The following ERCC6 variants were observed in gnomAD, a reference collection of about 807,000 sequenced individuals.
ERCC6 encodes the protein DNA excision repair protein ERCC-6.
Under a neutral mutation model 158.7 loss-of-function variants are expected in ERCC6, and 116 were observed. The observed-to-expected ratio is 0.73, with a 90% CI of 0.63 to 0.85. ERCC6 has a LOEUF of 0.85. ERCC6 is among the 40% of genes least tolerant of loss of function. The probability of loss-of-function intolerance (pLI) is 0.00; values close to 1 mark genes in which losing one functional copy is unlikely to be tolerated. For missense variants in ERCC6, 1,698 were observed against 1,799.4 expected (o/e 0.94, Z 1.02); for synonymous variants, 678 against 659.3 (o/e 1.03, Z -0.43).
At position 49,532,939 on chromosome 10, in the gene ERCC6, G is replaced by C; in HGVS notation, c.26C>G (p.Ser9Ter). 4 of 1,614,214 alleles carry C rather than the reference G, an allele frequency of 2.5e-6. No individual in the cohort carries two copies. Among genetic ancestry groups the C allele is most frequent in the South Asian group, 2.2e-5 (2 of 91,082 alleles). The change falls in exon 2 of 21, where the codon TCA becomes TGA. Residue 9 changes from serine to a stop codon, truncating the protein, a stop_gained. Coordinates refer to ENST00000355832, the MANE Select transcript of ERCC6 (RefSeq NM_000124.4). LOFTEE classifies it high-confidence loss of function. Reference protein sequence around the residue: MPNEGIPHSSQTQEQDCLQ... With the variant: MPNEGIPH Reference sequence around the variant, plus strand: ...ACAGTCTTGCTCCTGAGTTTGACTTGAGTGGGGGATTCCCTCATTTGGCAT... The same window carrying C: ...ACAGTCTTGCTCCTGAGTTTGACTTCAGTGGGGGATTCCCTCATTTGGCAT...
the ERCC6 span, among the ~76,000 whole-genome samples, chr10:49,441,344 G>A: frequency 1.1e-4 from 16 of 152,208 alleles, no homozygotes; most frequent in Non-Finnish European, 1.9e-4. Flanking sequence ...GTCTTTCTAT[G>A]GAGGCCGAGG....
chr10:49,472,507 C>T, intron 15 of ERCC6, 37 bp from the exon 16 acceptor site: 1 of 1,597,314 alleles, frequency 6.3e-7, no homozygotes, highest in Non-Finnish European at 8.6e-7. Context: ...AACGAGAATC[C>T]TTCCCAATGA....
chr10:49,493,921 G>C (rs574804740), intron 7 of ERCC6, among the ~76,000 whole-genome samples: 20 of 152,362 alleles, frequency 1.3e-4, no homozygotes, highest in African/African-American at 4.8e-4. Context: ...CACCGACAGT[G>C]TACAAGCTGG....
downstream of ERCC6, among the ~76,000 whole-genome samples, chr10:49,452,053 C>T (rs1850426822): frequency 6.6e-6 from 1 of 152,008 alleles, no homozygotes; most frequent in Non-Finnish European, 1.5e-5. Flanking sequence ...TTGATCTTTT[C>T]AAATTACCAG....
chr10:49,476,087 G>A, intron 12 of ERCC6, 128 bp downstream of exon 12: 1 of 729,938 alleles, frequency 1.4e-6, no homozygotes, highest in South Asian at 1.5e-5. Context: ...TACCATGCGG[G>A]ACTTCATGCA....
Position 49,470,668 on chromosome 10 carries a change from T to C in ERCC6, c.3292A>G (p.Ser1098Gly). The change falls in exon 18 of 21, where the codon AGT (serine) becomes GGT (glycine). Residue 1098 changes from serine to glycine, a missense_variant. Transcript: ENST00000355832. ...CTATCATTGCTAGTTACATTACTAC[T>C]CATGTGAGGGTCATCTTTCAAAGGA... The part of the protein sequence containing the change: ...SDPLKDDPHM[S>G]SNVTSNDRLG... 1 of 1,614,020 alleles carries C rather than the reference T, an allele frequency of 6.2e-7. No individual in the cohort carries two copies. The highest frequency in any genetic ancestry group is 1.3e-5 in the African/African-American group (1 of 75,066).
rs193165336 is a variant in ERCC6, at chr10:49,455,309, T to C, written c.*3506A>G. On this transcript the variant is annotated 3_prime_UTR_variant, in exon 21 of 21. Transcript: ENST00000355832. ...CATAACACTAATCAGAAACATTATA[T>C]TAATTATAAAGAGGTCTATTATTCT... 76 of 152,308 alleles carry C rather than the reference T, an allele frequency of 5.0e-4. No homozygotes were observed. Among genetic ancestry groups the C allele is most frequent in the African/African-American group, 1.8e-3 (74 of 41,570 alleles). The allele number at this position is 152,308 out of a possible 1,614,324, so 9.4% of individuals were successfully genotyped here.
rs372494513 is a variant in ERCC6, at chr10:49,524,140, A to G, written c.1290T>C (p.Ser430=). ...CAGAAGCAGCTTCAGCTTCTTCCCCAGAACTTGGGAAAAAGTCATCATCAA... is the reference window on the plus strand; with the variant it reads ...CAGAAGCAGCTTCAGCTTCTTCCCCGGAACTTGGGAAAAAGTCATCATCAA... ...QEIDDDFFPS[S]GEEAEAASVG... Residue 430 remains serine (S), a synonymous_variant, in exon 5 of 21, where the codon TCT becomes TCC. Transcript: ENST00000355832. The G allele has an allele frequency of 6.2e-6, 10 of 1,614,088 alleles. No individual in the cohort carries two copies. Among genetic ancestry groups the G allele is most frequent in the Non-Finnish European group, 8.5e-6 (10 of 1,180,040 alleles).
rs894249123 is a variant in ERCC6, at chr10:49,455,591, G to A, written c.*3224C>T. ...AGAAATAGACAACTTAGCATGTGAT[G>A]AGTTGAAAGCTGACATTTTAAACTG... On this transcript the variant is annotated 3_prime_UTR_variant, in exon 21 of 21. Transcript: ENST00000355832. 1 of 152,230 alleles carries A rather than the reference G, an allele frequency of 6.6e-6. No individual in the cohort carries two copies. Among genetic ancestry groups the A allele is most frequent in the South Asian group, 2.1e-4 (1 of 4,838 alleles). 9.4% of individuals were successfully genotyped at this position (152,230 alleles called of 1,614,324 possible). A position where few individuals can be genotyped will look rare whatever the true frequency, so the allele number is the denominator to read the frequency against.
In ERCC6 at chr10:49,456,526, T is replaced by C. The variant is rs915572920; in HGVS notation, c.*2289A>G. On this transcript the variant is annotated 3_prime_UTR_variant, in exon 21 of 21. Coordinates refer to ENST00000355832, the MANE Select transcript of ERCC6 (RefSeq NM_000124.4). Reference sequence around the variant, plus strand: ...AGTCTGTGTCATGTGATTCTCTAAATGCATGGAGAATACACACCAAACCTA... The same window carrying C: ...AGTCTGTGTCATGTGATTCTCTAAACGCATGGAGAATACACACCAAACCTA... The C allele has an allele frequency of 6.6e-5, 10 of 152,204 alleles. No homozygotes were observed. The highest frequency in any genetic ancestry group is 2.0e-4 in the Admixed American group (3 of 15,282). 9.4% of individuals were successfully genotyped at this position (152,204 alleles called of 1,614,324 possible).
chr10:49,442,336 T>C, the ERCC6 span, among the ~76,000 whole-genome samples: 1 of 152,166 alleles, frequency 6.6e-6, no homozygotes, highest in Non-Finnish European at 1.5e-5. Context: ...TTGATTGTCT[T>C]GCAAAGCGAA....
At position 49,461,488 on chromosome 10, in the gene ERCC6, C is replaced by A; in HGVS notation, c.3847G>T (p.Glu1283Ter). The change falls in exon 19 of 21, where the codon GAG (glutamate) becomes TAG (stop). Residue 1283 changes from glutamate (E) to a stop codon, truncating the protein, a stop_gained. Transcript: ENST00000355832. LOFTEE classifies it high-confidence loss of function. The stretch of plus-strand genomic sequence containing the variant: ...TGGGCCACTCGGTTGGCTTCTGCCT[C>A]CACCAGTACATAATCTGGGCTGGCT... ...DGASPDYVLV[E>*]AEANRVAQDA... 1.9e-6 allele frequency: 3 copies of A among 1,614,154 alleles called. No homozygotes were observed. The highest frequency in any genetic ancestry group is 2.5e-6 in the Non-Finnish European group (3 of 1,180,020).
the ERCC6 span, among the ~76,000 whole-genome samples, chr10:49,445,359 G>T: frequency 9.2e-5 from 14 of 152,262 alleles, no homozygotes; most frequent in African/African-American, 3.4e-4. Context: ...AAAGAATAAG[G>T]TTTATAAATA....
rs1365099511 is a variant in ERCC6, at chr10:49,455,198, T to C, written c.*3617A>G. Among the ~76,000 whole-genome samples, 2 of 152,164 alleles carry C rather than the reference T, an allele frequency of 1.3e-5. No individual in the cohort carries two copies. The highest frequency in any genetic ancestry group is 2.9e-5 in the Non-Finnish European group (2 of 68,036). The stretch of plus-strand genomic sequence containing the variant: ...TCTATAAAACACCTAGGAATAAGCC[T>C]ATTATGAAATGTGCAAGACATTTAT... On this transcript the variant is annotated 3_prime_UTR_variant, in exon 21 of 21. Transcript: ENST00000355832.
At chr10:49,484,035 T>G (rs1851032371) in intron 8 of ERCC6, among the ~76,000 whole-genome samples, 1 of 151,756 alleles carries the variant, frequency 6.6e-6, no homozygotes, top group Non-Finnish European at 1.5e-5. Flanking sequence ...TCCCAGCACT[T>G]TGGGAGGCTG....
At chr10:49,497,066 G>A (rs1401168221) in intron 7 of ERCC6, among the ~76,000 whole-genome samples, 1 of 152,104 alleles carries the variant, frequency 6.6e-6, no homozygotes, top group Non-Finnish European at 1.5e-5. Flanking sequence ...CCTTCAACTG[G>A]GTGGAAAGGG....
In ERCC6 at chr10:49,482,942, C is replaced by T. The variant is rs573799225; in HGVS notation, c.1993-79G>A. On this transcript the variant is annotated intron_variant, in intron 9 of 20. Coordinates refer to ENST00000355832, the MANE Select transcript of ERCC6 (RefSeq NM_000124.4). ...ATTCCTACCCTAAAACGCTCCTCTG[C>T]AAATTATTTACACATTTACTCATCA... The T allele has an allele frequency of 9.0e-6, 13 of 1,438,070 alleles. No homozygotes were observed. In the South Asian group the frequency reaches 1.3e-4, roughly 14 times the overall value. The allele number at this position is 1,438,070 out of a possible 1,614,324, so 89.1% of individuals were successfully genotyped here.
rs2132551687 is a variant in ERCC6 at position 49,482,741 on chromosome 10, C to T, written c.2115G>A (p.Glu705=). The T allele has an allele frequency of 1.9e-6, 3 of 1,613,750 alleles. No homozygotes were observed. Among genetic ancestry groups the T allele is most frequent in the Non-Finnish European group, 2.5e-6 (3 of 1,179,940 alleles). ...GKLGTLPVFM[E]QFSVPITMGG... ...CCATGGTGATGGGGACGGAGAACTGCTCCATAAACACAGGCAACGTGCCTA... is the reference window on the plus strand; with the variant it reads ...CCATGGTGATGGGGACGGAGAACTGTTCCATAAACACAGGCAACGTGCCTA... Residue 705 remains glutamate (E), a synonymous_variant, in exon 10 of 21, where the codon GAG becomes GAA. Transcript: ENST00000355832.
At chr10:49,498,906 AG>A (rs1417686322) in intron 7 of ERCC6, among the ~76,000 whole-genome samples, 1 of 152,248 alleles carries the variant, frequency 6.6e-6, no homozygotes, top group Non-Finnish European at 1.5e-5. Flanking sequence ...ATTTAAGGAA[AG>A]AAAGAGTCCT....
Sources: allele counts gnomAD v4.1 joint callset (sites outside exome capture counted in the v4.1 genomes callset), GRCh38; gene constraint gnomAD v4.1.1; transcripts MANE v1.5; gene names NCBI Gene and HGNC (gene_info 2026-07-23, HGNC 2026-07-21).